Variants in KLF3 observed in about 807,000 individuals in gnomAD.
KLF3 encodes the protein Krueppel-like factor 3.
In KLF3, 6 loss-of-function variants were observed where a neutral mutation model predicts 32.7. The observed-to-expected ratio is 0.18, with a 90% CI of 0.10 to 0.36. The LOEUF (loss-of-function observed/expected upper bound fraction) is 0.36, where lower values mean the gene tolerates loss of function less well. KLF3 is among the 10% of genes least tolerant of loss of function. The probability of loss-of-function intolerance (pLI) is 1.00; values close to 1 mark genes in which losing one functional copy is unlikely to be tolerated. For synonymous variants in KLF3, 145 were observed against 172.8 expected (o/e 0.84, Z 1.26); for missense variants, 338 against 449.7 (o/e 0.75, Z 2.25).
intron 1 of KLF3, among the ~76,000 whole-genome samples, chr4:38,676,956 G>GTTTTTTT (rs34392158): frequency 1.9e-5 from 2 of 105,530 alleles, no homozygotes; most frequent in Non-Finnish European, 3.7e-5. Flanking sequence ...GTGCCAGTGT[G>GTTTTTTT]TTTTTTTTTT....
In KLF3 at chr4:38,700,248, C is replaced by G. The variant is rs1723160385; in HGVS notation, c.*2985C>G. ...TTTCAAGAGCCTTGGAACAGAATTA[C>G]AGGGGAACTATATATGTATATGTAT... On this transcript the variant is annotated 3_prime_UTR_variant, in exon 6 of 6. Coordinates refer to ENST00000261438, the MANE Select transcript of KLF3 (RefSeq NM_016531.6). The G allele has an allele frequency of 1.3e-5, 2 of 152,290 alleles. No individual in the cohort carries two copies. Among genetic ancestry groups the G allele is most frequent in the East Asian group, 3.9e-4 (2 of 5,184 alleles). The allele number at this position is 152,290 out of a possible 1,614,324, so 9.4% of individuals were successfully genotyped here.
rs1184740821 is a variant in KLF3, at chr4:38,698,652, A to C, written c.*1389A>C. 5.3e-5 allele frequency: 8 copies of C among 152,336 alleles called. No individual in the cohort carries two copies. Among genetic ancestry groups the C allele is most frequent in the African/African-American group, 1.9e-4 (8 of 41,460 alleles). The allele number at this position is 152,336 out of a possible 1,614,324, so 9.4% of individuals were successfully genotyped here. ...TTTCCTATCACTATTTCAGTGTCAGAACAAACTGAAAATAATGGCTCGTGT... is the reference window on the plus strand; with the variant it reads ...TTTCCTATCACTATTTCAGTGTCAGCACAAACTGAAAATAATGGCTCGTGT... On this transcript the variant is annotated 3_prime_UTR_variant, in exon 6 of 6. Transcript: ENST00000261438.
At chr4:38,684,148 G>A (rs747267472) in intron 2 of KLF3, among the ~76,000 whole-genome samples, 2 of 152,118 alleles carry the variant, frequency 1.3e-5, no homozygotes, top group Admixed American at 6.5e-5. Context: ...TGGAAAGCTC[G>A]CCAAAACTAT....
At chr4:38,672,613 G>A (rs1423684364) in intron 1 of KLF3, among the ~76,000 whole-genome samples, 1 of 152,100 alleles carries the variant, frequency 6.6e-6, no homozygotes, top group Non-Finnish European at 1.5e-5. Context: ...CGGCATGAAG[G>A]GCACTTGTTG....
chr4:38,682,436 G>T (rs780089499), intron 2 of KLF3, among the ~76,000 whole-genome samples: 23 of 152,214 alleles, frequency 1.5e-4, no homozygotes, highest in Non-Finnish European at 3.2e-4. Context: ...ATCACTACAT[G>T]ATCACGTTAG....
In KLF3 at chr4:38,674,410, TACAC is replaced by T. The variant is rs1722280605; in HGVS notation, c.-39-6169_-39-6166del. Among the ~76,000 whole-genome samples the T allele has an allele frequency of 6.6e-6, 1 of 150,912 alleles. No individual in the cohort carries two copies. The highest frequency in any genetic ancestry group is 2.1e-4 in the South Asian group (1 of 4,804). On this transcript the variant is annotated intron_variant, in intron 1 of 5. Transcript: ENST00000261438. This position sits in a 1 kb window ranked among gnomAD's most constrained non-coding sequence, Gnocchi z 4.1. ...CTGCCCAGTTTTCCTAGCCAAGAAT[TACAC>T]ACACACATGCACACACCGCCTTTTT...
rs1722297787 is a variant in KLF3 at position 38,674,918 on chromosome 4, G to A, written c.-39-5669G>A. ...TCCAGGCAAGCTGCTTTCAGAGGAGGTTTAGTAACCCCCTAACCTCGTCTT... is the reference window on the plus strand; with the variant it reads ...TCCAGGCAAGCTGCTTTCAGAGGAGATTTAGTAACCCCCTAACCTCGTCTT... On this transcript the variant is annotated intron_variant, in intron 1 of 5. Coordinates refer to ENST00000261438, the MANE Select transcript of KLF3 (RefSeq NM_016531.6). This position sits in a 1 kb window ranked among gnomAD's most constrained non-coding sequence, Gnocchi z 4.1. Among the ~76,000 whole-genome samples the A allele has an allele frequency of 6.6e-6, 1 of 152,146 alleles. No individual in the cohort carries two copies. Among genetic ancestry groups the A allele is most frequent in the Non-Finnish European group, 1.5e-5 (1 of 68,022 alleles).
chr4:38,682,264 G>A (rs1421301379), intron 2 of KLF3, among the ~76,000 whole-genome samples: 1 of 152,154 alleles, frequency 6.6e-6, no homozygotes, highest in Non-Finnish European at 1.5e-5. Flanking sequence ...TCACCATGTT[G>A]GCCAGGCTGG....
intron 1 of KLF3, among the ~76,000 whole-genome samples, chr4:38,676,545 G>A (rs1722356179): frequency 6.6e-6 from 1 of 152,142 alleles, no homozygotes; most frequent in Non-Finnish European, 1.5e-5. Context: ...TAACAGTTTC[G>A]GGTGTGTGGT....
chr4:38,672,961 G>T (rs964545995), intron 1 of KLF3, among the ~76,000 whole-genome samples: 1 of 152,188 alleles, frequency 6.6e-6, no homozygotes, highest in African/African-American at 2.4e-5. Context: ...GCGGGGAGGG[G>T]GCAGCCTTAG....
At chr4:38,665,342 T>C (rs1721998231) in intron 1 of KLF3, among the ~76,000 whole-genome samples, 3 of 152,128 alleles carry the variant, frequency 2.0e-5, no homozygotes, top group African/African-American at 7.2e-5. Flanking sequence ...TCAGGACCCA[T>C]GGGACCTACC....
intron 2 of KLF3, among the ~76,000 whole-genome samples, chr4:38,685,130 G>A (rs998192596): frequency 5.3e-5 from 8 of 152,186 alleles, no homozygotes; most frequent in East Asian, 1.9e-4. Flanking sequence ...GGAACAGAGC[G>A]GGGAAGACTG....
intron 5 of KLF3, among the ~76,000 whole-genome samples, 184 bp from the exon 6 acceptor site, chr4:38,696,898 A>G (rs2109258807): frequency 6.6e-6 from 1 of 152,356 alleles, no homozygotes; most frequent in East Asian, 1.9e-4. Flanking sequence ...CAGAGAGCCA[A>G]TGAAACATTA....
Position 38,664,412 on chromosome 4 carries a change from A to T in KLF3, c.-89A>T, listed in dbSNP as rs926487900. On this transcript the variant is annotated 5_prime_UTR_variant, in exon 1 of 6. Coordinates refer to ENST00000261438, the MANE Select transcript of KLF3 (RefSeq NM_016531.6). ...GCTCGGGGGGCTCCAGGCAGCCCGTATCGGGGCCTTTATTTCTCGTCGGCG... is the reference window on the plus strand; with the variant it reads ...GCTCGGGGGGCTCCAGGCAGCCCGTTTCGGGGCCTTTATTTCTCGTCGGCG... 1 of 152,034 alleles carries T rather than the reference A, an allele frequency of 6.6e-6. No individual in the cohort carries two copies. The highest frequency in any genetic ancestry group is 2.4e-5 in the African/African-American group (1 of 41,410). The allele number at this position is 152,034 out of a possible 1,614,324, so 9.4% of individuals were successfully genotyped here. A position where few individuals can be genotyped will look rare whatever the true frequency, so the allele number is the denominator to read the frequency against.
At chr4:38,693,569 A>G (rs1722949249) in intron 4 of KLF3, among the ~76,000 whole-genome samples, 1 of 152,024 alleles carries the variant, frequency 6.6e-6, no homozygotes. Flanking sequence ...TACTCTCATC[A>G]AATTCTTTTT....
In KLF3 at chr4:38,699,963, T is replaced by C. The variant is rs1456737700; in HGVS notation, c.*2700T>C. 1 of 152,226 alleles carries C rather than the reference T, an allele frequency of 6.6e-6. No homozygotes were observed. The highest frequency in any genetic ancestry group is 1.5e-5 in the Non-Finnish European group (1 of 68,032). 9.4% of individuals were successfully genotyped at this position (152,226 alleles called of 1,614,324 possible). On this transcript the variant is annotated 3_prime_UTR_variant, in exon 6 of 6. Transcript: ENST00000261438. Reference sequence around the variant, plus strand: ...TGTGTCATGTTACTATCAATGGTGATTTCAATCGCAATATTTTAAATTGAT... The same window carrying C: ...TGTGTCATGTTACTATCAATGGTGACTTCAATCGCAATATTTTAAATTGAT...
In KLF3 at chr4:38,664,430, C is replaced by T. The variant is rs937834540; in HGVS notation, c.-71C>T. On this transcript the variant is annotated 5_prime_UTR_variant, in exon 1 of 6. Transcript: ENST00000261438. ...AGCCCGTATCGGGGCCTTTATTTCT[C>T]GTCGGCGGCGCCCTGCACCGCGCCT... 6.6e-6 allele frequency: 1 copy of T among 152,090 alleles called. No individual in the cohort carries two copies. The highest frequency in any genetic ancestry group is 6.5e-5 in the Admixed American group (1 of 15,282). The allele number at this position is 152,090 out of a possible 1,614,324, so 9.4% of individuals were successfully genotyped here. A position where few individuals can be genotyped will look rare whatever the true frequency, so the allele number is the denominator to read the frequency against.
rs140456976 is a variant in KLF3, at chr4:38,688,956, C to A, written c.429C>A (p.Pro143=). 6.2e-7 allele frequency: 1 copy of A among 1,614,238 alleles called. No individual in the cohort carries two copies. Among genetic ancestry groups the A allele is most frequent in the East Asian group, 2.2e-5 (1 of 44,882 alleles). ...RHGIRSPGIL[P]VIQPVVVQPV... The stretch of plus-strand genomic sequence containing the variant: ...GAATACGGAGCCCGGGGATCCTGCC[C>A]GTCATCCAGCCGGTGGTGGTGCAGC... The change falls in exon 3 of 6, where the codon CCC becomes CCA. Residue 143 remains proline, a synonymous_variant. Transcript: ENST00000261438. This position sits in a 1 kb window ranked among gnomAD's most constrained non-coding sequence, Gnocchi z 4.9.
chr4:38,664,796 G>A (rs1721959126), intron 1 of KLF3: 1 of 152,016 alleles, frequency 6.6e-6, no homozygotes, highest in African/African-American at 2.4e-5. Context: ...GGGCTCACCT[G>A]TGTGGTCCCC....
Sources: gnomAD v4.1 joint callset for allele counts (sites outside exome capture counted in the v4.1 genomes callset) on GRCh38, gnomAD v4.1.1 for gene constraint, Gnocchi (gnomAD v3.1) non-coding constraint, MANE v1.5 for transcripts, NCBI Gene and HGNC (gene_info 2026-07-23, HGNC 2026-07-21) for gene names.